The following SBF2 variants were observed in gnomAD, a reference collection of about 807,000 sequenced individuals.
The protein encoded by SBF2 is SET binding factor 2, also known as myotubularin-related protein 13.
A neutral mutation model predicts 225.2 loss-of-function variants in SBF2; 112 were observed. That is an observed-to-expected ratio of 0.50 (90% CI 0.43 to 0.58). The LOEUF (loss-of-function observed/expected upper bound fraction) is 0.58. Among genes scored for constraint, SBF2 ranks in the 20% least tolerant of loss-of-function variants. The pLI, the probability that SBF2 is intolerant of heterozygous loss-of-function variation, is 0.00. For missense variants in SBF2, 1,996 were observed against 2,206.2 expected (o/e 0.90, Z 1.91); for synonymous variants, 763 against 773.3 (o/e 0.99, Z 0.22).
At chr11:9,926,795 G>A (rs1034373371) in intron 16 of SBF2, among the ~76,000 whole-genome samples, 4 of 152,096 alleles carry the variant, frequency 2.6e-5, no homozygotes, top group Non-Finnish European at 4.4e-5. Context: ...TGTTAGAAAA[G>A]AAGAAAGGTT....
chr11:9,907,285 C>A (rs1411087241), intron 16 of SBF2, among the ~76,000 whole-genome samples: 1 of 152,106 alleles, frequency 6.6e-6, no homozygotes, highest in Non-Finnish European at 1.5e-5. Context: ...TCTACCCACC[C>A]GACCATATGG....
chr11:9,987,217 T>C (rs1947236753), intron 13 of SBF2, among the ~76,000 whole-genome samples: 1 of 152,066 alleles, frequency 6.6e-6, no homozygotes, highest in Admixed American at 6.5e-5. Context: ...CTGGACAAAA[T>C]TTAGCATCCC....
intron 2 of SBF2, among the ~76,000 whole-genome samples, chr11:10,055,566 CA>C (rs2134732642): frequency 7.2e-6 from 1 of 139,802 alleles, no homozygotes; most frequent in South Asian, 2.3e-4. Flanking sequence ...CACACACACA[CA>C]CACACCATGG....
At chr11:9,962,193 A>C in intron 15 of SBF2, 87 bp from the exon 16 acceptor site, 1 of 1,148,286 alleles carries the variant, frequency 8.7e-7, no homozygotes, top group Non-Finnish European at 1.3e-6. Context: ...ATTCAAACGC[A>C]TCCTATAATT....
chr11:9,922,391 C>G (rs969621902), intron 16 of SBF2, among the ~76,000 whole-genome samples: 26 of 152,064 alleles, frequency 1.7e-4, no homozygotes, highest in African/African-American at 5.6e-4. Context: ...CTCTTATATG[C>G]CAGTACTTAA....
chr11:10,048,234 A>G (rs1308605941), intron 2 of SBF2, among the ~76,000 whole-genome samples: 1 of 152,142 alleles, frequency 6.6e-6, no homozygotes, highest in African/African-American at 2.4e-5. Flanking sequence ...CAACCCATCT[A>G]TACTAAATTC....
intron 2 of SBF2, among the ~76,000 whole-genome samples, chr11:10,096,442 A>AAAAG (rs1207351563): frequency 1.3e-5 from 2 of 150,744 alleles, no homozygotes; most frequent in Non-Finnish European, 3.0e-5. Flanking sequence ...AAAAAAAAAA[A>AAAAG]GTAATGAAAT....
chr11:10,241,341 G>C (rs756861740), intron 1 of SBF2, among the ~76,000 whole-genome samples: 1 of 145,634 alleles, frequency 6.9e-6, no homozygotes, highest in African/African-American at 2.8e-5. Flanking sequence ...GTAACAGAGC[G>C]AGACTGTCTC....
intron 13 of SBF2, among the ~76,000 whole-genome samples, chr11:9,972,303 T>C (rs1946499921): frequency 6.6e-6 from 1 of 152,154 alleles, no homozygotes; most frequent in African/African-American, 2.4e-5. Context: ...TAAAGGCTGT[T>C]TTCCAAAAAT....
chr11:10,000,190 G>A (rs1947899624), intron 8 of SBF2, among the ~76,000 whole-genome samples: 1 of 152,164 alleles, frequency 6.6e-6, no homozygotes, highest in South Asian at 2.1e-4. Flanking sequence ...GCCTTTTAGA[G>A]TTACAAAAAA....
intron 16 of SBF2, among the ~76,000 whole-genome samples, chr11:9,930,598 A>G (rs1263797575): frequency 6.6e-6 from 1 of 152,212 alleles, no homozygotes; most frequent in Non-Finnish European, 1.5e-5. Flanking sequence ...GTGTCTATAC[A>G]TGTTAAAAAG....
intron 6 of SBF2, among the ~76,000 whole-genome samples, chr11:10,025,640 C>T (rs1272676751): frequency 6.6e-6 from 1 of 152,058 alleles, no homozygotes; most frequent in Non-Finnish European, 1.5e-5. Context: ...CACTCTGTCG[C>T]CCAGGCTGGA....
At chr11:10,132,015 G>T (rs1227759184) in intron 2 of SBF2, among the ~76,000 whole-genome samples, 1 of 152,058 alleles carries the variant, frequency 6.6e-6, no homozygotes, top group Non-Finnish European at 1.5e-5. Flanking sequence ...TCCATTTTGA[G>T]TTACTCTGGT....
intron 21 of SBF2, among the ~76,000 whole-genome samples, chr11:9,851,036 G>A (rs972651472): frequency 9.9e-5 from 15 of 151,438 alleles, no homozygotes; most frequent in Non-Finnish European, 1.6e-4. Context: ...CTCAGAAGGC[G>A]GAGGCAGGAG....
chr11:10,274,052 C>A (rs1031344494), intron 1 of SBF2, among the ~76,000 whole-genome samples: 3 of 152,186 alleles, frequency 2.0e-5, no homozygotes, highest in Admixed American at 6.5e-5. Context: ...TTATTTTTAA[C>A]CTTTAGAAAA....
At chr11:10,071,392 G>C (rs1015772281) in intron 2 of SBF2, among the ~76,000 whole-genome samples, 3 of 151,518 alleles carry the variant, frequency 2.0e-5, no homozygotes, top group Non-Finnish European at 2.9e-5. Flanking sequence ...TCAGCCTCCA[G>C]AGTACCTGGG....
chr11:10,269,843 C>T (rs985810556), intron 1 of SBF2, among the ~76,000 whole-genome samples: 1 of 152,090 alleles, frequency 6.6e-6, no homozygotes, highest in South Asian at 2.1e-4. Flanking sequence ...CTCACTGGAA[C>T]CTCAAATTCC....
intron 14 of SBF2, among the ~76,000 whole-genome samples, chr11:9,967,642 G>A (rs1867010987): frequency 6.6e-6 from 1 of 151,952 alleles, no homozygotes; most frequent in African/African-American, 2.4e-5. Flanking sequence ...CTTGCCGGGT[G>A]CAGTGGCTCA....
intron 2 of SBF2, among the ~76,000 whole-genome samples, chr11:10,170,022 C>T (rs1956124889): frequency 6.6e-6 from 1 of 151,984 alleles, no homozygotes. Context: ...AGCTTTTAAT[C>T]AGATTATTAG....
Sources: allele counts gnomAD v4.1 joint callset (sites outside exome capture counted in the v4.1 genomes callset), GRCh38; gene constraint gnomAD v4.1.1; transcripts MANE v1.5; gene names NCBI Gene and HGNC (gene_info 2026-07-23, HGNC 2026-07-21).